PRKCE: variants seen among roughly 807,000 people sequenced by gnomAD.
PRKCE encodes protein kinase C epsilon.
PRKCE carries 16 observed loss-of-function variants against 85.4 expected under a neutral mutation model. The observed-to-expected ratio is 0.19, with a 90% confidence interval of 0.13 to 0.28. The LOEUF is 0.28. Ranked by LOEUF, PRKCE falls within the 10% of genes least tolerant of loss-of-function variation. PRKCE has a pLI of 1.00. For missense variants in PRKCE, 573 were observed against 975.2 expected (o/e 0.59, Z 5.49); for synonymous variants, 388 against 371.5 (o/e 1.04, Z -0.51).
At chr2:45,991,913 G>A (rs1422352783) in intron 6 of PRKCE, among the ~76,000 whole-genome samples, 1 of 152,172 alleles carries the variant, frequency 6.6e-6, no homozygotes, top group African/African-American at 2.4e-5. Context: ...GGTCTGGTCT[G>A]AGAGGTGTCA....
At chr2:45,823,690 C>T (rs537766579) in intron 1 of PRKCE, among the ~76,000 whole-genome samples, 1 of 152,332 alleles carries the variant, frequency 6.6e-6, no homozygotes, top group East Asian at 1.9e-4. Flanking sequence ...GAGCAGCTTC[C>T]ATCTGCCTGG....
At chr2:46,102,395 A>G (rs141543661) in intron 11 of PRKCE, among the ~76,000 whole-genome samples, 5 of 152,332 alleles carry the variant, frequency 3.3e-5, no homozygotes, top group African/African-American at 1.2e-4. Flanking sequence ...TTTTATTTAA[A>G]TAAACTTTTT....
At chr2:46,182,008 G>A (rs1413733127) in intron 14 of PRKCE, among the ~76,000 whole-genome samples, 3 of 152,102 alleles carry the variant, frequency 2.0e-5, no homozygotes, top group South Asian at 2.1e-4. Flanking sequence ...CCTTAGTGAC[G>A]TTACAAATGG....
intron 1 of PRKCE, among the ~76,000 whole-genome samples, chr2:45,819,321 C>A (rs1346647640): frequency 1.3e-5 from 2 of 152,210 alleles, no homozygotes; most frequent in Non-Finnish European, 2.9e-5. Context: ...GGCAGTCTGG[C>A]TCCCAATCCC....
chr2:45,795,037 G>A (rs80278312), intron 1 of PRKCE, among the ~76,000 whole-genome samples: 4,507 of 152,154 alleles, frequency 0.03, 235 homozygotes, highest in African/African-American at 0.1. Context: ...CTGTCTGTTC[G>A]AGGTACATGA....
Position 45,822,092 on chromosome 2 carries a change from ACT to A in PRKCE, c.349-20905_349-20904del, listed in dbSNP as rs367693021. ...GAATGTTCTGGCACCTGTCCAGGGT[ACT>A]CTGTTTCTGAGTCATTTGTGTGTAC... On this transcript the variant is annotated intron_variant, in intron 1 of 14. Transcript: ENST00000306156. Among the ~76,000 whole-genome samples, 551 of 152,190 alleles carry A rather than the reference ACT, an allele frequency of 3.6e-3. 3 individuals carry two copies. Among genetic ancestry groups the A allele is most frequent in the Non-Finnish European group, 6.6e-3 (448 of 67,994 alleles).
At chr2:46,031,024 A>G (rs1707479569) in intron 10 of PRKCE, among the ~76,000 whole-genome samples, 1 of 152,204 alleles carries the variant, frequency 6.6e-6, no homozygotes, top group African/African-American at 2.4e-5. Flanking sequence ...ACCATGCTCT[A>G]TGTGAGTAGG....
intron 2 of PRKCE, among the ~76,000 whole-genome samples, chr2:45,926,755 C>T (rs985264240): frequency 5.3e-5 from 8 of 152,066 alleles, no homozygotes; most frequent in African/African-American, 1.9e-4. Context: ...GCCAGAGGCA[C>T]CAAAAACGAT....
At chr2:46,175,569 T>C (rs1379417965) in intron 14 of PRKCE, among the ~76,000 whole-genome samples, 1 of 152,212 alleles carries the variant, frequency 6.6e-6, no homozygotes, top group Admixed American at 6.5e-5. Flanking sequence ...GCACAGAGAT[T>C]ACATAATTGG....
chr2:45,950,967 T>C (rs1430056702), intron 2 of PRKCE, among the ~76,000 whole-genome samples: 1 of 152,176 alleles, frequency 6.6e-6, no homozygotes, highest in Non-Finnish European at 1.5e-5. Context: ...GAGATCATGT[T>C]CACTTGGCCA....
intron 1 of PRKCE, among the ~76,000 whole-genome samples, chr2:45,682,431 TA>T (rs1348375863): frequency 1.3e-5 from 2 of 151,608 alleles, no homozygotes; most frequent in African/African-American, 2.4e-5. Context: ...ATTTTTTATT[TA>T]TTTATTTTTT....
In PRKCE at chr2:45,697,260, G is replaced by T. The variant is rs903212057; in HGVS notation, c.348+44812G>T. Among the ~76,000 whole-genome samples, 1 of 151,994 alleles carries T rather than the reference G, an allele frequency of 6.6e-6. No homozygotes were observed. The highest frequency in any genetic ancestry group is 1.5e-5 in the Non-Finnish European group (1 of 67,978). ...AAGAGGGGGCGCACCCCACTGGCTG[G>T]CCTGGCCCTCCTGGCTGCCCACATT... On this transcript the variant is annotated intron_variant, in intron 1 of 14. Coordinates refer to ENST00000306156, the MANE Select transcript of PRKCE (RefSeq NM_005400.3). The surrounding 1 kb of genome is among the most constrained non-coding windows in gnomAD (Gnocchi z 4.2).
rs1319208528 is a variant in PRKCE, at chr2:46,001,565, G to A, written c.966+19G>A. Reference sequence around the variant, plus strand: ...GAAAAAGGTAACTGGCTGTTTGGTGGTGTTGCTGGAGCCCTTTTCAGGCTA... The same window carrying A: ...GAAAAAGGTAACTGGCTGTTTGGTGATGTTGCTGGAGCCCTTTTCAGGCTA... On this transcript the variant is annotated intron_variant, in intron 7 of 14. Coordinates refer to ENST00000306156, the MANE Select transcript of PRKCE (RefSeq NM_005400.3). The surrounding 1 kb of genome is among the most constrained non-coding windows in gnomAD (Gnocchi z 4.4). The A allele has an allele frequency of 2.8e-5, 45 of 1,595,606 alleles. No homozygotes were observed. Among genetic ancestry groups the A allele is most frequent in the Non-Finnish European group, 3.8e-5 (45 of 1,177,538 alleles).
At chr2:45,742,344 A>G (rs1352122831) in intron 1 of PRKCE, among the ~76,000 whole-genome samples, 1 of 151,980 alleles carries the variant, frequency 6.6e-6, no homozygotes, top group Admixed American at 6.6e-5. Context: ...CTGAGGCAGG[A>G]GGATTGCTTG....
intron 1 of PRKCE, among the ~76,000 whole-genome samples, chr2:45,748,938 G>T (rs1326808077): frequency 3.3e-5 from 5 of 149,768 alleles, no homozygotes; most frequent in Non-Finnish European, 5.9e-5. Context: ...AGCCCAGGCT[G>T]GAGTACAGTG....
intron 11 of PRKCE, among the ~76,000 whole-genome samples, chr2:46,117,334 T>C (rs1363338691): frequency 6.6e-6 from 1 of 152,246 alleles, no homozygotes; most frequent in Non-Finnish European, 1.5e-5. Flanking sequence ...TTTGACTACA[T>C]AGTCTCTTTT....
chr2:45,896,950 C>T (rs974693419), intron 2 of PRKCE, among the ~76,000 whole-genome samples: 13 of 151,988 alleles, frequency 8.6e-5, no homozygotes, highest in African/African-American at 1.9e-4. Flanking sequence ...TGAATATTTC[C>T]GCCTGTAGTC....
intron 2 of PRKCE, among the ~76,000 whole-genome samples, chr2:45,923,230 G>A (rs886075539): frequency 6.6e-6 from 1 of 152,208 alleles, no homozygotes; most frequent in African/African-American, 2.4e-5. Context: ...AGAAAATACA[G>A]AAATTGTAAG....
chr2:46,141,969 C>T (rs1675585057), intron 11 of PRKCE, among the ~76,000 whole-genome samples: 1 of 152,160 alleles, frequency 6.6e-6, no homozygotes, highest in African/African-American at 2.4e-5. Flanking sequence ...TATTCCCAGT[C>T]CTCCTGCCCA....
Sources: allele counts gnomAD v4.1 joint callset (sites outside exome capture counted in the v4.1 genomes callset), GRCh38; gene constraint gnomAD v4.1.1; non-coding constraint Gnocchi (gnomAD v3.1); transcripts MANE v1.5; gene names NCBI Gene and HGNC (gene_info 2026-07-23, HGNC 2026-07-21).